The following RAB10 variants were observed in gnomAD, a reference collection of about 807,000 sequenced individuals.
RAB10 encodes RAB10, member RAS oncogene family, also known as ras-related protein Rab-10.
RAB10 carries 5 observed loss-of-function variants against 25.7 expected under a neutral mutation model. That is an observed-to-expected ratio of 0.19 (90% confidence interval 0.10 to 0.41). RAB10 has a LOEUF of 0.41. RAB10 is among the 10% of genes least tolerant of loss of function. The pLI, the probability that RAB10 is intolerant of heterozygous loss-of-function variation, is 1.00. For missense variants in RAB10, 103 were observed against 245.8 expected, an observed-to-expected ratio of 0.42 and a Z score of 3.89; for synonymous variants, 89 against 86.4, an observed-to-expected ratio of 1.03 and a Z score of -0.16.
intron 1 of RAB10, among the ~76,000 whole-genome samples, chr2:26,089,031 T>C (rs1667047930): frequency 6.6e-6 from 1 of 152,016 alleles, no homozygotes; most frequent in Admixed American, 6.6e-5. Flanking sequence ...TTTAGCGCTA[T>C]GAAAGTTGTG....
rs1666410326 is a variant in RAB10 at position 26,062,015 on chromosome 2, T to A, written c.127+27280T>A. ...TGAACAGTTGATGGTTCTAGGAGCT[T>A]GGGGAAAAGGGGTGGAGTTGGGGTT... On this transcript the variant is annotated intron_variant, in intron 1 of 5. Transcript: ENST00000264710. 2.0e-5 allele frequency among the ~76,000 whole-genome samples: 3 copies of A among 152,078 alleles called. No homozygotes were observed. In the South Asian group the frequency reaches 6.2e-4, roughly 32 times the overall value.
chr2:26,113,769 GAAAA>G (rs1309303741), intron 3 of RAB10, among the ~76,000 whole-genome samples: 3 of 141,150 alleles, frequency 2.1e-5, no homozygotes, highest in Admixed American at 7.0e-5. Context: ...AAGAAAGAAA[GAAAA>G]AAAGCCATCC....
intron 1 of RAB10, among the ~76,000 whole-genome samples, chr2:26,072,576 T>C (rs1666650918): frequency 6.6e-6 from 1 of 152,174 alleles, no homozygotes; most frequent in African/African-American, 2.4e-5. Context: ...CTTGCTGAGC[T>C]TTGTAGTGTT....
chr2:26,079,534 T>C (rs2149273194), intron 1 of RAB10, among the ~76,000 whole-genome samples: 1 of 152,202 alleles, frequency 6.6e-6, no homozygotes, highest in Admixed American at 6.5e-5. Context: ...AATGTAAATA[T>C]TTCCTCTCTC....
At chr2:26,121,912 CT>C (rs143986298) in intron 3 of RAB10, among the ~76,000 whole-genome samples, 280 of 152,294 alleles carry the variant, frequency 1.8e-3, no homozygotes, top group African/African-American at 6.5e-3. Context: ...TGTGGATCAT[CT>C]CCCCGTGAAC....
At chr2:26,057,716 G>A (rs1666298830) in intron 1 of RAB10, among the ~76,000 whole-genome samples, 1 of 151,720 alleles carries the variant, frequency 6.6e-6, no homozygotes, top group South Asian at 2.1e-4. Context: ...TTCATCTCCC[G>A]AGTTCAAGTG....
intron 1 of RAB10, among the ~76,000 whole-genome samples, chr2:26,077,415 A>G (rs528293331): frequency 6.6e-6 from 1 of 152,306 alleles, no homozygotes; most frequent in East Asian, 1.9e-4. Context: ...GTACTGTGGA[A>G]TTCATCAGAT....
chr2:26,043,232 A>C (rs950473742), intron 1 of RAB10, among the ~76,000 whole-genome samples: 1 of 152,192 alleles, frequency 6.6e-6, no homozygotes, highest in Admixed American at 6.5e-5. Flanking sequence ...CAGCCTGGGC[A>C]ACATGGTGAG....
intron 1 of RAB10, among the ~76,000 whole-genome samples, chr2:26,061,559 A>C (rs977868889): frequency 6.6e-6 from 1 of 151,646 alleles, no homozygotes; most frequent in African/African-American, 2.4e-5. Flanking sequence ...AATTAAAAAA[A>C]ATTTTTTTTT....
At chr2:26,044,498 G>C (rs1020125774) in intron 1 of RAB10, among the ~76,000 whole-genome samples, 1 of 151,962 alleles carries the variant, frequency 6.6e-6, no homozygotes, top group Non-Finnish European at 1.5e-5. Context: ...AACTGAGACT[G>C]GTGAGGTGAA....
chr2:26,090,099 C>T (rs759006148), intron 1 of RAB10, among the ~76,000 whole-genome samples: 1 of 152,118 alleles, frequency 6.6e-6, no homozygotes, highest in Non-Finnish European at 1.5e-5. Context: ...TTTGTCTACC[C>T]TTTACTTCAC....
chr2:26,126,857 G>C (rs1667918742), intron 3 of RAB10, among the ~76,000 whole-genome samples: 1 of 152,150 alleles, frequency 6.6e-6, no homozygotes, highest in African/African-American at 2.4e-5. Flanking sequence ...AAGTTTCTTT[G>C]CTTGTATCTT....
chr2:26,100,781 TAAAC>T (rs1443935830), intron 2 of RAB10, among the ~76,000 whole-genome samples: 1 of 152,130 alleles, frequency 6.6e-6, no homozygotes, highest in Non-Finnish European at 1.5e-5. Flanking sequence ...TCTTCAGAGA[TAAAC>T]AATTTGTCTA....
intron 1 of RAB10, among the ~76,000 whole-genome samples, chr2:26,064,905 T>C (rs945739091): frequency 6.6e-6 from 1 of 152,020 alleles, no homozygotes; most frequent in Admixed American, 6.6e-5. Context: ...ACACACTCAC[T>C]GTCTTAGCTG....
intron 1 of RAB10, among the ~76,000 whole-genome samples, chr2:26,095,957 C>A (rs1040214985): frequency 1.3e-5 from 2 of 152,166 alleles, no homozygotes; most frequent in East Asian, 3.8e-4. Flanking sequence ...TTTGTTCTCA[C>A]AGCCCTGCCA....
intron 1 of RAB10, among the ~76,000 whole-genome samples, chr2:26,051,956 C>A (rs190164792): frequency 2.4e-4 from 36 of 151,630 alleles, no homozygotes; most frequent in African/African-American, 8.2e-4. Flanking sequence ...ACTCAGGAGG[C>A]TGAGTCAGGA....
chr2:26,113,688 A>G (rs1409903592), intron 3 of RAB10, among the ~76,000 whole-genome samples: 2 of 151,880 alleles, frequency 1.3e-5, no homozygotes, highest in Admixed American at 6.6e-5. Flanking sequence ...GAGCATGGCA[A>G]GAATATCTAC....
intron 1 of RAB10, among the ~76,000 whole-genome samples, chr2:26,048,533 G>A (rs1666063905): frequency 6.6e-6 from 1 of 152,156 alleles, no homozygotes; most frequent in Non-Finnish European, 1.5e-5. Context: ...TCATGTGGTT[G>A]CCAATTTTCT....
rs753233330 is a variant in RAB10 at position 26,134,929 on chromosome 2, T to C, written c.520-9T>C. On this transcript the variant is annotated splice_polypyrimidine_tract_variant and intron_variant, in intron 5 of 5. Transcript: ENST00000264710. Reference sequence around the variant, plus strand: ...TTCATGAGTTATTTTCCTTGTGTGTTTGTTGCAGACCCCTGTAAAAGAGCC... The same window carrying C: ...TTCATGAGTTATTTTCCTTGTGTGTCTGTTGCAGACCCCTGTAAAAGAGCC... 2.7e-5 allele frequency: 43 copies of C among 1,604,998 alleles called. No homozygotes were observed. Among genetic ancestry groups the C allele is most frequent in the Admixed American group, 1.5e-4 (9 of 59,352 alleles).
Sources: gnomAD v4.1 joint callset for allele counts (sites outside exome capture counted in the v4.1 genomes callset) on GRCh38, gnomAD v4.1.1 for gene constraint, MANE v1.5 for transcripts, NCBI Gene and HGNC (gene_info 2026-07-23, HGNC 2026-07-21) for gene names.